Variants in GRIN3A observed in about 807,000 individuals in gnomAD.
The protein encoded by GRIN3A is glutamate receptor ionotropic, NMDA 3A.
GRIN3A carries 47 observed loss-of-function variants against 92.4 expected under a neutral mutation model. The ratio of observed to expected loss-of-function variants is 0.51; its 90% CI spans 0.40 to 0.65. GRIN3A has a LOEUF of 0.65. Among genes scored for constraint, GRIN3A ranks in the 30% least tolerant of loss-of-function variants. GRIN3A has a pLI of 0.00. For synonymous variants in GRIN3A, 527 were observed against 540.6 expected (o/e 0.97, Z 0.35); for missense variants, 1,324 against 1,393.1 (o/e 0.95, Z 0.79).
Position 101,571,534 on chromosome 9 carries a change from T to A in GRIN3A, c.*1640A>T, listed in dbSNP as rs771157498. 5.3e-5 allele frequency: 8 copies of A among 152,108 alleles called. No homozygotes were observed. The highest frequency in any genetic ancestry group is 7.4e-5 in the Non-Finnish European group (5 of 68,022). 9.4% of individuals were successfully genotyped at this position (152,108 alleles called of 1,614,324 possible). On this transcript the variant is annotated 3_prime_UTR_variant, in exon 9 of 9. Transcript: ENST00000361820. The stretch of plus-strand genomic sequence containing the variant: ...GAACAATGAGTCCTGAGAAGATAAA[T>A]CAAGTAATTGATAAATAAGGAAGTC...
intron 6 of GRIN3A, among the ~76,000 whole-genome samples, chr9:101,609,944 C>A (rs1043783713): frequency 6.6e-6 from 1 of 152,192 alleles, no homozygotes; most frequent in Admixed American, 6.5e-5. Context: ...AATGATCTGC[C>A]TGCCTTGGCC....
chr9:101,664,146 C>T (rs1055528768), intron 3 of GRIN3A, among the ~76,000 whole-genome samples: 1 of 151,822 alleles, frequency 6.6e-6, no homozygotes, highest in Non-Finnish European at 1.5e-5. Flanking sequence ...GACTGCAGAC[C>T]CAAAGAGAAA....
intron 1 of GRIN3A, among the ~76,000 whole-genome samples, chr9:101,688,340 A>G (rs982686662): frequency 6.6e-6 from 1 of 152,254 alleles, no homozygotes; most frequent in Non-Finnish European, 1.5e-5. Flanking sequence ...TGAGGACTCC[A>G]CAGAGGTTTA....
intron 3 of GRIN3A, among the ~76,000 whole-genome samples, chr9:101,658,097 G>A (rs11789289): frequency 6.6e-6 from 1 of 151,876 alleles, no homozygotes; most frequent in Non-Finnish European, 1.5e-5. Context: ...ATAGTGAGTA[G>A]GAATAATTTA....
intron 1 of GRIN3A, among the ~76,000 whole-genome samples, chr9:101,693,020 G>T (rs796479667): frequency 3.9e-5 from 6 of 152,076 alleles, no homozygotes; most frequent in African/African-American, 1.4e-4. Context: ...GGCCTCATGA[G>T]GTGACTGCAA....
intron 1 of GRIN3A, among the ~76,000 whole-genome samples, chr9:101,717,950 C>T (rs1361782176): frequency 6.6e-6 from 1 of 152,160 alleles, no homozygotes; most frequent in Non-Finnish European, 1.5e-5. Context: ...CTTTGTTCTA[C>T]ATCTTATAAC....
At position 101,570,610 on chromosome 9, in the gene GRIN3A, C is replaced by T. The variant is rs1483111032; in HGVS notation, c.*2564G>A. 1.3e-5 allele frequency: 2 copies of T among 152,630 alleles called. No homozygotes were observed. The highest frequency in any genetic ancestry group is 4.8e-5 in the African/African-American group (2 of 41,456). 9.5% of individuals were successfully genotyped at this position (152,630 alleles called of 1,614,324 possible). ...AGCCTGCTGTCAGCCCCTGCTGCTG[C>T]TTGCTGCATCCTGGCCAGTGTTTTG... On this transcript the variant is annotated 3_prime_UTR_variant, in exon 9 of 9. Transcript: ENST00000361820.
At chr9:101,677,271 C>G (rs1198907459) in intron 2 of GRIN3A, among the ~76,000 whole-genome samples, 14 of 152,034 alleles carry the variant, frequency 9.2e-5, no homozygotes, top group African/African-American at 1.2e-4. Context: ...TCCTCTGGCT[C>G]CCTTCCCTCC....
chr9:101,664,319 A>G (rs1199365130), intron 3 of GRIN3A, among the ~76,000 whole-genome samples: 3 of 151,946 alleles, frequency 2.0e-5, no homozygotes, highest in Non-Finnish European at 4.4e-5. Flanking sequence ...TACATTGAGG[A>G]AATATCCAAA....
chr9:101,720,851 G>A (rs1307112001), intron 1 of GRIN3A, among the ~76,000 whole-genome samples: 2 of 152,098 alleles, frequency 1.3e-5, no homozygotes, highest in Non-Finnish European at 2.9e-5. Context: ...CCTACTGGAG[G>A]GTGAAGAGTG....
intron 8 of GRIN3A, among the ~76,000 whole-genome samples, chr9:101,577,464 A>G (rs1228992212): frequency 1.3e-5 from 2 of 152,198 alleles, no homozygotes; most frequent in East Asian, 3.8e-4. Context: ...CAAATGAGGA[A>G]CTTGAGGTGC....
In GRIN3A at chr9:101,638,819, A is replaced by G. The variant is rs187909876; in HGVS notation, c.2353-10418T>C. Among the ~76,000 whole-genome samples the G allele has an allele frequency of 1.7e-3, 266 of 152,328 alleles. 1 individual carries two copies. The highest frequency in any genetic ancestry group is 3.4e-3 in the Middle Eastern group (1 of 294). On this transcript the variant is annotated intron_variant, in intron 3 of 8. Coordinates refer to ENST00000361820, the MANE Select transcript of GRIN3A (RefSeq NM_133445.3). ...AAACAAGTTTTTGGCATTACTAGCT[A>G]TCCCCTTAATTGCTTGGCGTTAGAC... is the stretch of plus-strand genomic sequence containing the variant.
At chr9:101,710,124 T>C in intron 1 of GRIN3A, among the ~76,000 whole-genome samples, 1 of 152,106 alleles carries the variant, frequency 6.6e-6, no homozygotes, top group East Asian at 1.9e-4. Context: ...GTATGGACAG[T>C]ATCAGTTCAG....
chr9:101,712,825 C>A (rs767492071), intron 1 of GRIN3A, among the ~76,000 whole-genome samples: 3 of 152,120 alleles, frequency 2.0e-5, no homozygotes, highest in African/African-American at 7.2e-5. Context: ...TTATTATGGA[C>A]AAGGCAATTC....
intron 8 of GRIN3A, among the ~76,000 whole-genome samples, chr9:101,576,979 G>A (rs1156906443): frequency 6.6e-6 from 1 of 152,170 alleles, no homozygotes; most frequent in Admixed American, 6.5e-5. Context: ...GGTTGCCTTA[G>A]GCAGCAGGCA....
intron 1 of GRIN3A, among the ~76,000 whole-genome samples, chr9:101,730,848 T>C (rs1176074374): frequency 6.6e-6 from 1 of 152,124 alleles, no homozygotes; most frequent in Non-Finnish European, 1.5e-5. Flanking sequence ...TTTCTCTTAT[T>C]ATTTTTTAAT....
intron 1 of GRIN3A, among the ~76,000 whole-genome samples, chr9:101,701,071 C>T (rs1377744237): frequency 6.6e-6 from 1 of 152,122 alleles, no homozygotes; most frequent in Admixed American, 6.5e-5. Flanking sequence ...CGAAACTTCT[C>T]CCCTCTTCTT....
intron 2 of GRIN3A, among the ~76,000 whole-genome samples, chr9:101,677,570 TA>T (rs1437671378): frequency 6.6e-6 from 1 of 152,122 alleles, no homozygotes; most frequent in Non-Finnish European, 1.5e-5. Context: ...TACTTCCCTT[TA>T]TTTTTTTATG....
intron 3 of GRIN3A, among the ~76,000 whole-genome samples, chr9:101,650,737 T>C (rs1225854696): frequency 6.6e-6 from 1 of 152,038 alleles, no homozygotes; most frequent in African/African-American, 2.4e-5. Context: ...CTTCTGTCAC[T>C]AATCTCAGCA....
Sources: allele counts gnomAD v4.1 joint callset (sites outside exome capture counted in the v4.1 genomes callset), GRCh38; gene constraint gnomAD v4.1.1; transcripts MANE v1.5; gene names NCBI Gene and HGNC (gene_info 2026-07-23, HGNC 2026-07-21).